Variants in ASTN1 observed in about 807,000 individuals in gnomAD.
The protein encoded by ASTN1 is astrotactin 1.
ASTN1 carries 41 observed loss-of-function variants against 140.7 expected under a neutral mutation model. The observed-to-expected ratio is 0.29, with a 90% CI of 0.23 to 0.38. The LOEUF (loss-of-function observed/expected upper bound fraction) is 0.38, where lower values mean the gene tolerates loss of function less well. Among genes scored for constraint, ASTN1 ranks in the 10% least tolerant of loss-of-function variants. The pLI is 1.00. For missense variants in ASTN1, 1,479 were observed against 1,678.8 expected (o/e 0.88, Z 2.08); for synonymous variants, 640 against 652.2 (o/e 0.98, Z 0.29).
intron 16 of ASTN1, among the ~76,000 whole-genome samples, chr1:176,918,457 C>T (rs1670585641): frequency 6.6e-6 from 1 of 152,282 alleles, no homozygotes; most frequent in African/African-American, 2.4e-5. Flanking sequence ...TGCTCACCCC[C>T]CGGCAACATG....
intron 5 of ASTN1, among the ~76,000 whole-genome samples, chr1:177,027,713 A>AGTGTGTGT (rs56405518): frequency 0.011 from 1,332 of 118,586 alleles, 14 homozygotes; most frequent in Non-Finnish European, 0.017. Flanking sequence ...AACCCAGTAC[A>AGTGTGTGT]GTGTGTGTGT....
chr1:176,984,147 G>A (rs1052100815), intron 8 of ASTN1, among the ~76,000 whole-genome samples: 2 of 152,198 alleles, frequency 1.3e-5, no homozygotes, highest in Non-Finnish European at 2.9e-5. Context: ...GCAATTTCTT[G>A]GGCCTCTTAG....
At chr1:177,071,814 T>A (rs1391209300) in intron 1 of ASTN1, among the ~76,000 whole-genome samples, 2 of 152,170 alleles carry the variant, frequency 1.3e-5, no homozygotes, top group Non-Finnish European at 2.9e-5. Context: ...AGAGTAAGGC[T>A]GAGACATGAT....
intron 8 of ASTN1, among the ~76,000 whole-genome samples, chr1:176,998,645 G>A (rs1316283456): frequency 6.6e-6 from 1 of 152,144 alleles, no homozygotes; most frequent in Non-Finnish European, 1.5e-5. Flanking sequence ...ATCCTCTAGA[G>A]GGAACTTCAC....
chr1:177,116,016 G>A (rs1340434015), intron 1 of ASTN1, among the ~76,000 whole-genome samples: 1 of 152,052 alleles, frequency 6.6e-6, no homozygotes, highest in Non-Finnish European at 1.5e-5. Context: ...TGGAGGGTGA[G>A]GTAAAAGGTC....
chr1:177,113,843 T>A (rs1571803276), intron 1 of ASTN1, among the ~76,000 whole-genome samples: 2 of 152,320 alleles, frequency 1.3e-5, no homozygotes, highest in East Asian at 3.9e-4. Flanking sequence ...GTGAGGAGTC[T>A]CCCACAGAAA....
chr1:176,871,761 G>A (rs1348554853), intron 21 of ASTN1, among the ~76,000 whole-genome samples: 3 of 152,156 alleles, frequency 2.0e-5, no homozygotes, highest in Non-Finnish European at 2.9e-5. Flanking sequence ...AGCATCTCAA[G>A]AATTCACTAA....
chr1:177,090,032 C>CA (rs1491413048), intron 1 of ASTN1, among the ~76,000 whole-genome samples: 78 of 151,618 alleles, frequency 5.1e-4, no homozygotes, highest in Middle Eastern at 3.4e-3. Flanking sequence ...CACACACACA[C>CA]CCCCCTCAAT....
intron 15 of ASTN1, among the ~76,000 whole-genome samples, chr1:176,935,019 C>T (rs1671377276): frequency 6.6e-6 from 1 of 152,090 alleles, no homozygotes; most frequent in Admixed American, 6.6e-5. Context: ...ACTTGTTGGC[C>T]TCCTCTCCCC....
intron 14 of ASTN1, 147 bp downstream of exon 14, chr1:176,943,744 A>G: frequency 1.9e-6 from 2 of 1,037,544 alleles, no homozygotes; most frequent in Admixed American, 7.0e-5. Context: ...TCCTACTAGC[A>G]TTCAGTTTTA....
intron 7 of ASTN1, among the ~76,000 whole-genome samples, chr1:177,015,680 GTA>G (rs912432836): frequency 2.6e-5 from 4 of 152,076 alleles, no homozygotes; most frequent in Non-Finnish European, 5.9e-5. Context: ...ATGCAAAACT[GTA>G]TATGTGTGTA....
intron 1 of ASTN1, among the ~76,000 whole-genome samples, chr1:177,162,220 C>T (rs1647420548): frequency 6.6e-6 from 1 of 152,224 alleles, no homozygotes; most frequent in South Asian, 2.1e-4. Flanking sequence ...TTGGACTCCT[C>T]TTCCTTTCTG....
At position 176,882,869 on chromosome 1, in the gene ASTN1, T is replaced by C; in HGVS notation, c.3352A>G (p.Thr1118Ala). Residue 1118 changes from threonine (T) to alanine (A), a missense_variant, in exon 20 of 23, where the codon ACC becomes GCC. By Grantham distance (58) the Thr-to-Ala change is moderately conservative. Coordinates refer to ENST00000361833, the MANE Select transcript of ASTN1 (RefSeq NM_004319.3). ...SLIIRCLEPD[T>A]IYMFTLWGVD... ...GTGTGTGTTACTCACATGTAAATGG[T>C]GTCAGGTTCCAGGCATCGTATGATC... is the stretch of plus-strand genomic sequence containing the variant. 1 of 1,614,148 alleles carries C rather than the reference T, an allele frequency of 6.2e-7. No homozygotes were observed. The highest frequency in any genetic ancestry group is 8.5e-7 in the Non-Finnish European group (1 of 1,180,018).
chr1:177,094,213 A>G (rs1335080109), intron 1 of ASTN1, among the ~76,000 whole-genome samples: 1 of 152,212 alleles, frequency 6.6e-6, no homozygotes, highest in Non-Finnish European at 1.5e-5. Context: ...AGGCTCACAG[A>G]CACTAAGAAA....
intron 17 of ASTN1, among the ~76,000 whole-genome samples, chr1:176,889,864 C>A (rs1346323484): frequency 6.6e-6 from 1 of 152,216 alleles, no homozygotes; most frequent in Non-Finnish European, 1.5e-5. Context: ...ACATGACTCA[C>A]TGGACAACTC....
intron 8 of ASTN1, among the ~76,000 whole-genome samples, chr1:176,996,248 CAG>C (rs900756988): frequency 6.6e-6 from 1 of 150,482 alleles, no homozygotes; most frequent in African/African-American, 2.5e-5. Flanking sequence ...AAGTAAGAGA[CAG>C]AGTCATATAT....
At chr1:176,921,960 A>G (rs1390734488) in intron 16 of ASTN1, among the ~76,000 whole-genome samples, 1 of 152,186 alleles carries the variant, frequency 6.6e-6, no homozygotes, top group Non-Finnish European at 1.5e-5. Context: ...TCGTTTATTC[A>G]AAAAATATTA....
chr1:177,067,456 C>A (rs552792123), intron 1 of ASTN1, among the ~76,000 whole-genome samples: 1 of 152,174 alleles, frequency 6.6e-6, no homozygotes, highest in East Asian at 1.9e-4. Context: ...AAAGATAGGC[C>A]TATGATAGAA....
intron 2 of ASTN1, among the ~76,000 whole-genome samples, chr1:177,054,347 GA>G (rs2102019540): frequency 6.6e-6 from 1 of 152,302 alleles, no homozygotes; most frequent in South Asian, 2.1e-4. Context: ...TGATGATGAT[GA>G]CAATGATGAT....
Sources: allele counts gnomAD v4.1 joint callset (sites outside exome capture counted in the v4.1 genomes callset), GRCh38; gene constraint gnomAD v4.1.1; transcripts MANE v1.5; gene names NCBI Gene and HGNC (gene_info 2026-07-23, HGNC 2026-07-21).